Variants in CUBN observed in about 807,000 individuals in gnomAD.
The protein encoded by CUBN is 460 kDa receptor.
CUBN carries 282 observed loss-of-function variants against 405.3 expected under a neutral mutation model. The ratio of observed to expected loss-of-function variants is 0.70; its 90% CI spans 0.63 to 0.77. The LOEUF (loss-of-function observed/expected upper bound fraction) is 0.77, where lower values mean the gene tolerates loss of function less well. Ranked by LOEUF, CUBN falls within the 30% of genes least tolerant of loss-of-function variation. The probability of loss-of-function intolerance (pLI) is 0.00; values close to 1 mark genes in which losing one functional copy is unlikely to be tolerated. For synonymous variants in CUBN, 1,684 were observed against 1,617.0 expected (o/e 1.04, Z -0.99); for missense variants, 4,514 against 4,475.2 (o/e 1.01, Z -0.25).
At chr10:16,907,278 C>T (rs1270368029) in intron 49 of CUBN, among the ~76,000 whole-genome samples, 1 of 152,204 alleles carries the variant, frequency 6.6e-6, no homozygotes, top group Non-Finnish European at 1.5e-5. Context: ...AGAAGCTAAT[C>T]TAATAGCATT....
intron 28 of CUBN, among the ~76,000 whole-genome samples, chr10:16,997,802 A>T (rs1029354442): frequency 6.6e-6 from 1 of 152,154 alleles, no homozygotes; most frequent in African/African-American, 2.4e-5. Context: ...TTACCAGTTA[A>T]TTCCCCAACA....
At position 17,019,966 on chromosome 10, in the gene CUBN, C is replaced by T. The variant is rs1344930863; in HGVS notation, c.4035G>A (p.Arg1345=). 9.3e-6 allele frequency: 15 copies of T among 1,614,080 alleles called. 1 individual carries two copies. In the South Asian group the frequency reaches 1.3e-4, roughly 14 times the overall value. Residue 1345 remains arginine, a synonymous_variant, in exon 28 of 67, where the codon CGG becomes CGA. Coordinates refer to ENST00000377833, the MANE Select transcript of CUBN (RefSeq NM_001081.4). ...CTACTCCACAGTAGCGTCCCATCTG[C>T]CGTGGTCCATCATAGAGCTGAAATT... ...TDYLELYDGP[R]QMGRYCGVDL... is the part of the protein sequence containing the mutation.
chr10:17,005,033 T>C (rs1833980477), intron 28 of CUBN, among the ~76,000 whole-genome samples: 2 of 152,128 alleles, frequency 1.3e-5, no homozygotes, highest in African/African-American at 4.8e-5. Context: ...CACCAAACTC[T>C]CAGTCTCTTC....
intron 27 of CUBN, among the ~76,000 whole-genome samples, chr10:17,022,460 A>G (rs3901939): frequency 0.37 from 56,209 of 151,874 alleles, 10,617 homozygotes; most frequent in East Asian, 0.6. Context: ...CAAGTTTCTA[A>G]TATTCTACAC....
At position 17,047,531 on chromosome 10, in the gene CUBN, T is replaced by C. The variant is rs1476213480; in HGVS notation, c.3212A>G (p.Asn1071Ser). 4 of 1,613,762 alleles carry C rather than the reference T, an allele frequency of 2.5e-6. No individual in the cohort carries two copies. In the East Asian group the frequency reaches 8.9e-5, roughly 36 times the overall value. Residue 1071 changes from asparagine to serine, a missense_variant, in exon 23 of 67, where the codon AAC becomes AGC. Coordinates refer to ENST00000377833, the MANE Select transcript of CUBN (RefSeq NM_001081.4). Reference sequence around the variant, plus strand: ...TGTGATCCGATAAATGCATTCCCAGTTGTTGGGATAATTATTGGGGAAGTT... The same window carrying C: ...TGTGATCCGATAAATGCATTCCCAGCTGTTGGGATAATTATTGGGGAAGTT... ...SPNFPNNYPN[N>S]WECIYRITVR...
chr10:16,973,608 G>A (rs916363222), intron 31 of CUBN, among the ~76,000 whole-genome samples: 2 of 102,118 alleles, frequency 2.0e-5, no homozygotes, highest in South Asian at 3.1e-4. Flanking sequence ...AGCAAAGAAC[G>A]TGATGGGTGG....
chr10:17,064,048 T>G (rs1161453380), intron 22 of CUBN, among the ~76,000 whole-genome samples: 1 of 152,230 alleles, frequency 6.6e-6, no homozygotes, highest in African/African-American at 2.4e-5. Context: ...TTTTGGTCAC[T>G]GGATGTTAAC....
intron 31 of CUBN, among the ~76,000 whole-genome samples, chr10:16,981,250 A>G (rs1402711388): frequency 6.6e-6 from 1 of 151,852 alleles, no homozygotes; most frequent in South Asian, 2.1e-4. Context: ...GGAGCTGGAC[A>G]TCGGAGACTA....
chr10:16,843,181 C>A (rs148912432), intron 60 of CUBN, among the ~76,000 whole-genome samples: 4 of 152,232 alleles, frequency 2.6e-5, no homozygotes, highest in Non-Finnish European at 5.9e-5. Context: ...AATTCCCAAC[C>A]ATGGCTCCCT....
intron 35 of CUBN, 67 bp downstream of exon 35, chr10:16,948,411 A>G: frequency 6.2e-7 from 1 of 1,608,690 alleles, no homozygotes; most frequent in East Asian, 2.2e-5. Context: ...CAGAGTCCCC[A>G]ATAACAAACC....
At chr10:16,981,400 C>T (rs1833268514) in intron 31 of CUBN, among the ~76,000 whole-genome samples, 1 of 151,398 alleles carries the variant, frequency 6.6e-6, no homozygotes, top group South Asian at 2.1e-4. Context: ...TCAATTTGTT[C>T]GTGTGACCTG....
chr10:17,058,583 T>C (rs1330523077), intron 22 of CUBN, among the ~76,000 whole-genome samples: 1 of 152,158 alleles, frequency 6.6e-6, no homozygotes, highest in Admixed American at 6.5e-5. Context: ...GGTAGTTTTA[T>C]GAGATTCAAA....
At chr10:17,129,326 C>G in intron 1 of CUBN, 76 bp from the exon 2 acceptor site, 2 of 1,514,874 alleles carry the variant, frequency 1.3e-6, no homozygotes, top group Admixed American at 3.4e-5. Flanking sequence ...AAGTTTCTTA[C>G]TGAATAACTA....
intron 22 of CUBN, among the ~76,000 whole-genome samples, chr10:17,057,979 G>A (rs547357593): frequency 3.2e-4 from 49 of 151,984 alleles, no homozygotes; most frequent in African/African-American, 8.2e-4. Context: ...AAAATTAGCC[G>A]GGCATGGTGG....
At chr10:16,894,781 T>A (rs1016226987) in intron 54 of CUBN, among the ~76,000 whole-genome samples, 19 of 152,326 alleles carry the variant, frequency 1.2e-4, no homozygotes, top group Non-Finnish European at 2.2e-4. Flanking sequence ...ATCCATCATT[T>A]TGGGGAGAAG....
chr10:17,086,644 T>C (rs1187636363), intron 15 of CUBN, among the ~76,000 whole-genome samples: 2 of 152,222 alleles, frequency 1.3e-5, no homozygotes, highest in Non-Finnish European at 2.9e-5. Context: ...CTCTATAATT[T>C]TGTTGTAATT....
chr10:16,942,863 A>AGGAAGGGAAGGGAAGGGAAG lies in CUBN; in HGVS notation c.5343-2627_5343-2626insCTTCCCTTCCCTTCCCTTCC, dbSNP rs112417434. On this transcript the variant is annotated intron_variant, in intron 36 of 66. Transcript: ENST00000377833. ...AGGGGGAAGGGGAAGGGGAAGGGAA[A>AGGAAGGGAAGGGAAGGGAAG]GGAAGGGAAGGGAAGGGAGGGGAAC... Among the ~76,000 whole-genome samples, 98 of 129,850 alleles carry AGGAAGGGAAGGGAAGGGAAG rather than the reference A, an allele frequency of 7.5e-4. 3 individuals are homozygous for AGGAAGGGAAGGGAAGGGAAG. The highest frequency in any genetic ancestry group is 2.7e-3 in the African/African-American group (88 of 32,966). 85.2% of individuals were successfully genotyped at this position (129,850 alleles called of 152,430 possible). A position where few individuals can be genotyped will look rare whatever the true frequency, so the allele number is the denominator to read the frequency against.
At chr10:16,948,386 C>A in intron 35 of CUBN, 92 bp downstream of exon 35, 1 of 1,571,492 alleles carries the variant, frequency 6.4e-7, no homozygotes, top group Non-Finnish European at 8.7e-7. Context: ...GAAACTGGCT[C>A]CCAACTACGA....
In CUBN at chr10:16,824,996, G is replaced by A. The variant is rs755696316; in HGVS notation, c.10851C>T (p.Phe3617=). ...HADYARRPSA[F]RLTWDS ...CCACTTAGCTGTCCCAAGTTAATCG[G>A]AATGCGGATGGACGCCGTGCATAAT... Residue 3617 remains phenylalanine (F), a synonymous_variant, in exon 67 of 67, where the codon TTC becomes TTT. Transcript: ENST00000377833. 17 of 1,613,800 alleles carry A rather than the reference G, an allele frequency of 1.1e-5. No individual in the cohort carries two copies. Among genetic ancestry groups the A allele is most frequent in the Non-Finnish European group, 1.4e-5 (17 of 1,179,816 alleles).
Sources: allele counts gnomAD v4.1 joint callset (sites outside exome capture counted in the v4.1 genomes callset), GRCh38; gene constraint gnomAD v4.1.1; transcripts MANE v1.5; gene names NCBI Gene and HGNC (gene_info 2026-07-23, HGNC 2026-07-21).